The following LCLAT1 variants were observed in gnomAD, a reference collection of about 807,000 sequenced individuals.
LCLAT1 encodes the protein lysocardiolipin acyltransferase 1.
A neutral mutation model predicts 30.7 loss-of-function variants in LCLAT1; 11 were observed. The ratio of observed to expected loss-of-function variants is 0.36; its 90% CI spans 0.23 to 0.59. The LOEUF is 0.59. Among genes scored for constraint, LCLAT1 ranks in the 20% least tolerant of loss-of-function variants. LCLAT1 has a pLI of 0.77. For synonymous variants in LCLAT1, 155 were observed against 151.3 expected (o/e 1.02, Z -0.18); for missense variants, 402 against 458.6 (o/e 0.88, Z 1.13).
chr2:30,593,016 TCTAA>T (rs1051765840), intron 5 of LCLAT1, among the ~76,000 whole-genome samples: 6 of 152,140 alleles, frequency 3.9e-5, no homozygotes, highest in Non-Finnish European at 7.4e-5. Context: ...ACTTACTCCT[TCTAA>T]CTATTTTTGT....
At chr2:30,581,018 T>C (rs1666193399) in intron 5 of LCLAT1, among the ~76,000 whole-genome samples, 1 of 152,090 alleles carries the variant, frequency 6.6e-6, no homozygotes, top group South Asian at 2.1e-4. Flanking sequence ...CTCTGTCAGA[T>C]CAGAGGTTAG....
intron 1 of LCLAT1, among the ~76,000 whole-genome samples, chr2:30,447,720 A>G (rs1681329583): frequency 6.6e-6 from 1 of 152,188 alleles, no homozygotes; most frequent in Non-Finnish European, 1.5e-5. Context: ...AGGAGCGTCA[A>G]AACCTTCCTC....
rs138889617 is a variant in LCLAT1, at chr2:30,503,367, CAT to C, written c.-4-22217_-4-22216del. 6.6e-3 allele frequency among the ~76,000 whole-genome samples: 1,009 copies of C among 152,276 alleles called. 10 individuals are homozygous for C. The highest frequency in any genetic ancestry group is 0.023 in the African/African-American group (958 of 41,554). ...ATTTATGTGCCTGTTTTTGTGTGGA[CAT>C]ATGTTTTCATTTCACTTGGATTTAT... On this transcript the variant is annotated intron_variant, in intron 1 of 5. Transcript: ENST00000379509.
intron 5 of LCLAT1, among the ~76,000 whole-genome samples, chr2:30,573,171 C>G (rs990629356): frequency 6.6e-6 from 1 of 152,206 alleles, no homozygotes; most frequent in Non-Finnish European, 1.5e-5. Flanking sequence ...GGCCCGCCCC[C>G]CTCTGCTTTT....
chr2:30,533,135 T>G lies in LCLAT1; in HGVS notation c.185T>G (p.Phe62Cys), dbSNP rs1213689843. 1 of 1,613,486 alleles carries G rather than the reference T, an allele frequency of 6.2e-7. No homozygotes were observed. The change falls in exon 3 of 6, where the codon TTT becomes TGT. Residue 62 changes from phenylalanine (F) to cysteine (C), a missense_variant. Transcript: ENST00000379509. ...TCTTAGGCATTATTGGAGACCATGT[T>G]TGGTGTAAAAGTGATTATAACTGGG... ...TLPVALLETM[F>C]GVKVIITGDA...
chr2:30,447,856 G>A (rs1558442104), intron 1 of LCLAT1, among the ~76,000 whole-genome samples: 1 of 152,218 alleles, frequency 6.6e-6, no homozygotes. Context: ...CGAGAGCCGT[G>A]GAGAGCAGGG....
chr2:30,530,232 A>G (rs1013687496), intron 2 of LCLAT1, among the ~76,000 whole-genome samples: 3 of 152,244 alleles, frequency 2.0e-5, no homozygotes, highest in African/African-American at 7.2e-5. Context: ...TATACTAGCA[A>G]TAAAATAAAC....
chr2:30,490,343 C>T (rs549279634), intron 1 of LCLAT1, among the ~76,000 whole-genome samples: 8 of 152,080 alleles, frequency 5.3e-5, no homozygotes, highest in Admixed American at 3.3e-4. Context: ...GCTGGGACTA[C>T]AGGTGCGTGT....
At chr2:30,574,608 G>A (rs1006120881) in intron 5 of LCLAT1, among the ~76,000 whole-genome samples, 1 of 152,186 alleles carries the variant, frequency 6.6e-6, no homozygotes, top group African/African-American at 2.4e-5. Flanking sequence ...AAAACACTCA[G>A]ACTCTATATG....
chr2:30,468,606 A>C (rs1682602709), intron 1 of LCLAT1, among the ~76,000 whole-genome samples: 1 of 152,166 alleles, frequency 6.6e-6, no homozygotes, highest in Admixed American at 6.5e-5. Flanking sequence ...GAGTACATTC[A>C]TGTGTTGTGC....
intron 5 of LCLAT1, among the ~76,000 whole-genome samples, chr2:30,571,210 A>T (rs1172219014): frequency 6.6e-6 from 1 of 152,206 alleles, no homozygotes; most frequent in African/African-American, 2.4e-5. Flanking sequence ...CTAGGGGGAT[A>T]CAGGGTTAAC....
chr2:30,466,432 T>C (rs1220704972), intron 1 of LCLAT1, among the ~76,000 whole-genome samples: 2 of 152,114 alleles, frequency 1.3e-5, no homozygotes, highest in African/African-American at 4.8e-5. Context: ...ATTTTTACTG[T>C]CATCCATATT....
chr2:30,627,249 C>G (rs1474750160), intron 5 of LCLAT1, among the ~76,000 whole-genome samples: 1 of 152,202 alleles, frequency 6.6e-6, no homozygotes, highest in East Asian at 1.9e-4. Context: ...GTCCCTCCCC[C>G]AGTTCCCCAT....
intron 5 of LCLAT1, among the ~76,000 whole-genome samples, chr2:30,587,985 C>G: frequency 6.6e-6 from 1 of 152,218 alleles, no homozygotes; most frequent in Admixed American, 6.5e-5. Flanking sequence ...AGCCTAGCTG[C>G]CAAACTTCAG....
chr2:30,522,399 C>T (rs1186100826), intron 1 of LCLAT1, among the ~76,000 whole-genome samples: 1 of 151,960 alleles, frequency 6.6e-6, no homozygotes, highest in East Asian at 1.9e-4. Flanking sequence ...TTTAGCTATT[C>T]CAAATAAGTG....
chr2:30,499,727 A>T (rs1030585283), intron 1 of LCLAT1, among the ~76,000 whole-genome samples: 1 of 152,214 alleles, frequency 6.6e-6, no homozygotes, highest in African/African-American at 2.4e-5. Context: ...GGCCATAAAA[A>T]AGTTCCATCT....
At chr2:30,572,729 CAAG>C (rs1211592140) in intron 5 of LCLAT1, among the ~76,000 whole-genome samples, 1 of 150,972 alleles carries the variant, frequency 6.6e-6, no homozygotes, top group Non-Finnish European at 1.5e-5. Flanking sequence ...TTTCTATTTC[CAAG>C]ATTTCTCCCT....
intron 4 of LCLAT1, among the ~76,000 whole-genome samples, chr2:30,565,780 GGA>G (rs201093695): frequency 3.0e-4 from 45 of 152,150 alleles, no homozygotes; most frequent in Middle Eastern, 3.4e-3. Flanking sequence ...GGCAGGATAA[GGA>G]GAGAGAGAGA....
intron 1 of LCLAT1, among the ~76,000 whole-genome samples, chr2:30,506,758 A>G (rs1055230951): frequency 3.9e-5 from 6 of 152,188 alleles, no homozygotes; most frequent in African/African-American, 9.6e-5. Flanking sequence ...TTGCACAGAA[A>G]GGCTTGCATA....
Sources: gnomAD v4.1 joint callset for allele counts (sites outside exome capture counted in the v4.1 genomes callset) on GRCh38, gnomAD v4.1.1 for gene constraint, MANE v1.5 for transcripts, NCBI Gene and HGNC (gene_info 2026-07-23, HGNC 2026-07-21) for gene names.